The following KIN variants were observed in gnomAD, a reference collection of about 807,000 sequenced individuals.
KIN encodes the protein DNA/RNA-binding protein KIN17.
KIN carries 47 observed loss-of-function variants against 63.0 expected under a neutral mutation model. The ratio of observed to expected loss-of-function variants is 0.75; its 90% CI spans 0.59 to 0.95. The LOEUF is 0.95. Among genes scored for constraint, KIN ranks in the 40% least tolerant of loss-of-function variants. The pLI, the probability that KIN is intolerant of heterozygous loss-of-function variation, is 0.00. For missense variants in KIN, 408 were observed against 460.9 expected, an observed-to-expected ratio of 0.89 and a Z score of 1.05; for synonymous variants, 160 against 157.7, an observed-to-expected ratio of 1.01 and a Z score of -0.11.
intron 7 of KIN, among the ~76,000 whole-genome samples, chr10:7,774,055 T>C (rs556592352): frequency 6.6e-6 from 1 of 152,364 alleles, no homozygotes; most frequent in Admixed American, 6.5e-5. Flanking sequence ...AACCCAGCCA[T>C]GCTCAGTTCC....
At chr10:7,778,608 G>A (rs1193577849) in intron 5 of KIN, among the ~76,000 whole-genome samples, 1 of 152,052 alleles carries the variant, frequency 6.6e-6, no homozygotes, top group Non-Finnish European at 1.5e-5. Flanking sequence ...GCGTGGTGGC[G>A]GGCGCCTGTA....
chr10:7,757,427 G>A (rs942403942), intron 12 of KIN, among the ~76,000 whole-genome samples: 4 of 152,206 alleles, frequency 2.6e-5, no homozygotes, highest in Non-Finnish European at 2.9e-5. Context: ...TGAACCCGGA[G>A]GCAGAGGTTG....
chr10:7,764,139 T>G (rs1188522525), intron 9 of KIN, among the ~76,000 whole-genome samples: 1 of 152,202 alleles, frequency 6.6e-6, no homozygotes, highest in Admixed American at 6.5e-5. Context: ...TTCTTTCCAT[T>G]GCAGGAAGTG....
chr10:7,778,830 T>C lies in KIN; in HGVS notation c.558+8A>G. On this transcript the variant is annotated splice_region_variant and intron_variant, in intron 5 of 12. Transcript: ENST00000379562. ...ACGTTGCTTCTCAGGATGATGTTGC[T>C]TACCCACCTGTTCCTTCCCTTCCAG... The C allele has an allele frequency of 1.2e-6, 2 of 1,612,962 alleles. No individual in the cohort carries two copies. Among genetic ancestry groups the C allele is most frequent in the Non-Finnish European group, 1.7e-6 (2 of 1,179,718 alleles).
At chr10:7,776,767 T>C (rs1400753573) in intron 5 of KIN, among the ~76,000 whole-genome samples, 1 of 150,466 alleles carries the variant, frequency 6.6e-6, no homozygotes, top group Non-Finnish European at 1.5e-5. Context: ...TTACATGCTT[T>C]GGCTGGGCAT....
intron 8 of KIN, among the ~76,000 whole-genome samples, chr10:7,768,889 C>T (rs1835607876): frequency 6.6e-6 from 1 of 151,816 alleles, no homozygotes; most frequent in Admixed American, 6.6e-5. Flanking sequence ...TGGTGGCAAG[C>T]GCCTGCAATC....
chr10:7,774,783 T>C (rs1247167933), intron 7 of KIN, 48 bp downstream of exon 7: 1 of 1,417,350 alleles, frequency 7.1e-7, no homozygotes, highest in East Asian at 2.3e-5. Context: ...AACCAATATT[T>C]CACAAAAATC....
intron 12 of KIN, among the ~76,000 whole-genome samples, chr10:7,758,272 G>A (rs938114217): frequency 6.6e-6 from 1 of 152,086 alleles, no homozygotes; most frequent in Non-Finnish European, 1.5e-5. Flanking sequence ...GTTTCTCCAT[G>A]TTGGCCGGGC....
intron 2 of KIN, among the ~76,000 whole-genome samples, chr10:7,781,056 A>C (rs1206325803): frequency 6.6e-6 from 1 of 152,228 alleles, no homozygotes; most frequent in African/African-American, 2.4e-5. Flanking sequence ...GGTGAATAAG[A>C]CATAAATCTT....
At chr10:7,779,989 C>A in intron 4 of KIN, 67 bp downstream of exon 4, 1 of 1,531,000 alleles carries the variant, frequency 6.5e-7, no homozygotes, top group Non-Finnish European at 8.9e-7. Context: ...TTTTCTTATC[C>A]CAAACATCTC....
At position 7,774,557 on chromosome 10, in the gene KIN, G is replaced by A. The variant is rs75662260; in HGVS notation, c.668+274C>T. Among the ~76,000 whole-genome samples, 1,086 of 151,912 alleles carry A rather than the reference G, an allele frequency of 7.1e-3. 9 individuals are homozygous for A. The highest frequency in any genetic ancestry group is 0.025 in the African/African-American group (1,025 of 41,426). On this transcript the variant is annotated intron_variant, in intron 7 of 12. Transcript: ENST00000379562. ...AGTTGCTAGCTGGGCACAGTAGGGC[G>A]TGCCTGTAATCCCAGCTATTGATAC...
intron 7 of KIN, among the ~76,000 whole-genome samples, chr10:7,772,584 A>C (rs976856016): frequency 1.3e-5 from 2 of 152,198 alleles, no homozygotes; most frequent in Admixed American, 1.3e-4. Context: ...TTAGATATAT[A>C]AGAGATATAA....
chr10:7,753,145 G>A lies in KIN; in HGVS notation c.*2935C>T, dbSNP rs1446830705. 6.6e-6 allele frequency: 1 copy of A among 152,166 alleles called. No individual in the cohort carries two copies. The highest frequency in any genetic ancestry group is 1.9e-4 in the East Asian group (1 of 5,200). 9.4% of individuals were successfully genotyped at this position (152,166 alleles called of 1,614,324 possible). A position where few individuals can be genotyped will look rare whatever the true frequency, so the allele number is the denominator to read the frequency against. On this transcript the variant is annotated 3_prime_UTR_variant, in exon 13 of 13. Transcript: ENST00000379562. The stretch of plus-strand genomic sequence containing the variant: ...TAGTTATCTGCAGTCATTTTGCTTA[G>A]CATAAACTCTATCAAGTTCTACAGA...
At chr10:7,767,605 C>T (rs1835574758) in intron 8 of KIN, among the ~76,000 whole-genome samples, 1 of 152,084 alleles carries the variant, frequency 6.6e-6, no homozygotes, top group South Asian at 2.1e-4. Flanking sequence ...ACCTTGTAAT[C>T]CCAGGACTTT....
Position 7,755,679 on chromosome 10 carries a change from T to C in KIN, c.*401A>G, listed in dbSNP as rs1212535080. 1 of 153,772 alleles carries C rather than the reference T, an allele frequency of 6.5e-6. No individual in the cohort carries two copies. Among genetic ancestry groups the C allele is most frequent in the Admixed American group, 6.5e-5 (1 of 15,326 alleles). The allele number at this position is 153,772 out of a possible 1,614,324, so 9.5% of individuals were successfully genotyped here. On this transcript the variant is annotated 3_prime_UTR_variant, in exon 13 of 13. Coordinates refer to ENST00000379562, the MANE Select transcript of KIN (RefSeq NM_012311.4). ...TTACCACAATAAAGCTGCTTCTATA[T>C]TTATAGTTTGACATTTAAAATTTAG...
rs1835836696 is a variant in KIN, at chr10:7,778,902, T to A, written c.494A>T (p.Asp165Val). 6.2e-7 allele frequency: 1 copy of A among 1,614,046 alleles called. No individual in the cohort carries two copies. The highest frequency in any genetic ancestry group is 8.5e-7 in the Non-Finnish European group (1 of 1,180,030). The change falls in exon 5 of 13, where the codon GAT (aspartate) becomes GTT (valine). Residue 165 changes from aspartate (D) to valine (V), a missense_variant. Physicochemically the swap from Asp to Val is radical, Grantham distance 152. Around this residue, in one of 2 missense-constraint regions of KIN, gnomAD observed 298 missense variants for 296.0 expected, o/e 1.01. Transcript: ENST00000379562. ...AATAAATTTGGCAGTTTTTTCTTCA[T>A]CATCAAGGTCCTGCTTTTTCTTTTT... is the stretch of plus-strand genomic sequence containing the variant. ...LEKKKKQDLD[D>V]EEKTAKFIEE...
chr10:7,777,473 TA>T (rs1835802963), intron 5 of KIN, among the ~76,000 whole-genome samples: 1 of 152,238 alleles, frequency 6.6e-6, no homozygotes, highest in Non-Finnish European at 1.5e-5. Context: ...CAGTGAACTG[TA>T]CACCTAAGAT....
intron 7 of KIN, among the ~76,000 whole-genome samples, chr10:7,769,646 T>C (rs962961176): frequency 1.3e-5 from 2 of 152,178 alleles, no homozygotes; most frequent in Admixed American, 6.6e-5. Flanking sequence ...CTTTGTATAG[T>C]AGAATGATGG....
chr10:7,782,752 C>T (rs1338985370), intron 2 of KIN, among the ~76,000 whole-genome samples: 1 of 152,090 alleles, frequency 6.6e-6, no homozygotes, highest in African/African-American at 2.4e-5. Flanking sequence ...TTAAGTAGGT[C>T]ATCCAAAGGC....
Sources: allele counts gnomAD v4.1 joint callset (sites outside exome capture counted in the v4.1 genomes callset), GRCh38; gene constraint gnomAD v4.1.1; regional missense constraint gnomAD v4.1.1; transcripts MANE v1.5; gene names NCBI Gene and HGNC (gene_info 2026-07-23, HGNC 2026-07-21).